The following STK10 variants were observed in gnomAD, a reference collection of about 807,000 sequenced individuals.
STK10 encodes serine/threonine-protein kinase 10.
STK10 carries 78 observed loss-of-function variants against 113.8 expected under a neutral mutation model. That is an observed-to-expected ratio of 0.69 (90% CI 0.57 to 0.83). STK10 has a LOEUF of 0.83. STK10 is among the 40% of genes least tolerant of loss of function. The pLI is 0.00. For missense variants in STK10, 1,109 were observed against 1,280.1 expected, an observed-to-expected ratio of 0.87 and a Z score of 2.04; for synonymous variants, 465 against 494.7, an observed-to-expected ratio of 0.94 and a Z score of 0.80.
intron 1 of STK10, among the ~76,000 whole-genome samples, chr5:172,182,750 C>T (rs1581194558): frequency 6.6e-6 from 1 of 151,952 alleles, no homozygotes; most frequent in African/African-American, 2.4e-5. Context: ...GACGGGGTTT[C>T]ACCATGTTGC....
intron 12 of STK10, among the ~76,000 whole-genome samples, chr5:172,077,893 G>A (rs777534199): frequency 3.9e-5 from 6 of 152,126 alleles, no homozygotes; most frequent in Non-Finnish European, 5.9e-5. Context: ...TTGCATATGC[G>A]TATGGTCTCC....
intron 3 of STK10, among the ~76,000 whole-genome samples, chr5:172,119,877 A>G (rs901537868): frequency 1.6e-5 from 2 of 126,076 alleles, no homozygotes; most frequent in African/African-American, 8.2e-5. Context: ...AAATAAATAA[A>G]TAAATAATAA....
At chr5:172,094,992 G>C (rs1401061663) in intron 8 of STK10, among the ~76,000 whole-genome samples, 1 of 152,108 alleles carries the variant, frequency 6.6e-6, no homozygotes, top group Non-Finnish European at 1.5e-5. Flanking sequence ...CCACTTTCCA[G>C]GTCAGGAGGG....
intron 1 of STK10, among the ~76,000 whole-genome samples, chr5:172,182,931 G>T (rs543928017): frequency 6.6e-6 from 1 of 152,264 alleles, no homozygotes; most frequent in South Asian, 2.1e-4. Context: ...AGGATACCAG[G>T]CTCAGTGGCT....
chr5:172,061,390 T>C lies in STK10; in HGVS notation c.2083-122A>G, dbSNP rs543462680. Reference sequence around the variant, plus strand: ...AGAAAATGCAGGAACAGAAAAGAAATTGGTGGAGGAGAAATTTAAGGGAGA... The same window carrying C: ...AGAAAATGCAGGAACAGAAAAGAAACTGGTGGAGGAGAAATTTAAGGGAGA... On this transcript the variant is annotated intron_variant, in intron 13 of 18. Transcript: ENST00000176763. 302 of 1,396,820 alleles carry C rather than the reference T, an allele frequency of 2.2e-4. 2 individuals are homozygous for C. In the South Asian group the frequency reaches 4.1e-3, roughly 19 times the overall value. 86.5% of individuals were successfully genotyped at this position (1,396,820 alleles called of 1,614,324 possible). A position where few individuals can be genotyped will look rare whatever the true frequency, so the allele number is the denominator to read the frequency against.
At chr5:172,138,207 C>T (rs747220016) in intron 2 of STK10, among the ~76,000 whole-genome samples, 14 of 152,210 alleles carry the variant, frequency 9.2e-5, no homozygotes, top group East Asian at 3.9e-4. Context: ...CTGCAACTTC[C>T]GCCTCCCGGG....
At chr5:172,172,986 GA>G (rs1459268345) in intron 1 of STK10, among the ~76,000 whole-genome samples, 4 of 148,120 alleles carry the variant, frequency 2.7e-5, no homozygotes, top group South Asian at 2.2e-4. Context: ...TCAAAAAAAA[GA>G]AAAAAAAAAG....
chr5:172,084,007 T>C (rs1768494121), intron 10 of STK10, among the ~76,000 whole-genome samples: 1 of 151,002 alleles, frequency 6.6e-6, no homozygotes, highest in Non-Finnish European at 1.5e-5. Flanking sequence ...TCCATCAATA[T>C]AGGTCTATGT....
intron 2 of STK10, among the ~76,000 whole-genome samples, chr5:172,134,128 A>T (rs1769807858): frequency 6.6e-6 from 1 of 152,218 alleles, no homozygotes; most frequent in African/African-American, 2.4e-5. Context: ...GGACCCTGGG[A>T]CCACATCTGT....
chr5:172,053,042 T>G lies in STK10; in HGVS notation c.2653A>C (p.Asn885His). The G allele has an allele frequency of 6.2e-7, 1 of 1,613,824 alleles. No individual in the cohort carries two copies. The highest frequency in any genetic ancestry group is 8.5e-7 in the Non-Finnish European group (1 of 1,179,812). The change falls in exon 18 of 19, where the codon AAT (asparagine) becomes CAT (histidine). Residue 885 changes from asparagine (N) to histidine (H), a missense_variant and splice_region_variant. By Grantham distance (68) the Asn-to-His change is moderately conservative. Coordinates refer to ENST00000176763, the MANE Select transcript of STK10 (RefSeq NM_005990.4). ...SNMSELQQLQNEKCHLLVEHE... is the reference protein window; with the variant it reads ...SNMSELQQLQHEKCHLLVEHE... ...TCTACCAGGAGGTGGCACTTTTCAT[T>G]CTGGAACAGATTCCAGGCAGAACAG...
At chr5:172,117,957 G>A (rs1769424893) in intron 3 of STK10, among the ~76,000 whole-genome samples, 1 of 144,662 alleles carries the variant, frequency 6.9e-6, no homozygotes, top group Non-Finnish European at 1.5e-5. Flanking sequence ...AGGTTGCAGT[G>A]AGCTGAGATC....
chr5:172,065,071 C>T (rs73315820), intron 12 of STK10, among the ~76,000 whole-genome samples: 1 of 152,188 alleles, frequency 6.6e-6, no homozygotes, highest in Non-Finnish European at 1.5e-5. Flanking sequence ...GTATCCACCC[C>T]CCTCTTCTGG....
chr5:172,139,052 T>C (rs1254606990), intron 2 of STK10, among the ~76,000 whole-genome samples: 4 of 152,122 alleles, frequency 2.6e-5, no homozygotes, highest in African/African-American at 9.7e-5. Context: ...ATGACACATA[T>C]AAATGGAAGA....
rs1323947880 is a variant in STK10 at position 172,057,714 on chromosome 5, CAA to C, written c.2213-243_2213-242del. On this transcript the variant is annotated intron_variant, in intron 14 of 18. Coordinates refer to ENST00000176763, the MANE Select transcript of STK10 (RefSeq NM_005990.4). ...GGAGCATGGTATAGCAGGAAGTATT[CAA>C]AGTCAGGAGCCACAGAAACTGCAGC... Among the ~76,000 whole-genome samples the C allele has an allele frequency of 2.0e-5, 3 of 152,278 alleles. No homozygotes were observed. The South Asian group carries it at 6.2e-4, about 32-fold the overall frequency.
rs200916433 is a variant in STK10, at chr5:172,156,612, C to G, written c.321+12G>C. On this transcript the variant is annotated intron_variant, in intron 2 of 18. Transcript: ENST00000176763. Reference sequence around the variant, plus strand: ...GGGGGCTGAGCTGGGACAGACAGGGCGGCAGCCTTACCCACAGCTTCCCGT... The same window carrying G: ...GGGGGCTGAGCTGGGACAGACAGGGGGGCAGCCTTACCCACAGCTTCCCGT... 1 of 1,609,046 alleles carries G rather than the reference C, an allele frequency of 6.2e-7. No homozygotes were observed. The highest frequency in any genetic ancestry group is 1.3e-5 in the African/African-American group (1 of 75,012).
At chr5:172,091,779 G>A (rs533224465) in intron 9 of STK10, among the ~76,000 whole-genome samples, 4 of 152,104 alleles carry the variant, frequency 2.6e-5, no homozygotes, top group Non-Finnish European at 5.9e-5. Context: ...TGATCCACCC[G>A]CCTTGGCCTC....
chr5:172,063,137 C>T (rs995480514), intron 13 of STK10, among the ~76,000 whole-genome samples: 7 of 152,010 alleles, frequency 4.6e-5, no homozygotes, highest in African/African-American at 1.7e-4. Flanking sequence ...GTAGTCCCAG[C>T]TACTTGGGAG....
intron 10 of STK10, among the ~76,000 whole-genome samples, chr5:172,087,154 G>GTGTGTGTGTGTGTGTGTGTGGT (rs1419850106): frequency 1.4e-5 from 2 of 144,686 alleles, no homozygotes; most frequent in African/African-American, 2.6e-5. Context: ...GTGTGTGTGT[G>GTGTGTGTGTGTGTGTGTGTGGT]GTGTATGCAG....
intron 2 of STK10, among the ~76,000 whole-genome samples, chr5:172,143,608 C>T (rs1770022032): frequency 6.6e-6 from 1 of 152,168 alleles, no homozygotes; most frequent in African/African-American, 2.4e-5. Context: ...CCTGGGTCTG[C>T]CACCATCCTT....
Sources: allele counts gnomAD v4.1 joint callset (sites outside exome capture counted in the v4.1 genomes callset), GRCh38; gene constraint gnomAD v4.1.1; transcripts MANE v1.5; gene names NCBI Gene and HGNC (gene_info 2026-07-23, HGNC 2026-07-21).